The following SBF2 variants were observed in gnomAD, a reference collection of about 807,000 sequenced individuals.
SBF2 encodes SET binding factor 2, also known as myotubularin-related protein 13.
A neutral mutation model predicts 225.2 loss-of-function variants in SBF2; 112 were observed. That is an observed-to-expected ratio of 0.50 (90% CI 0.43 to 0.58). The LOEUF is 0.58. Ranked by LOEUF, SBF2 falls within the 20% of genes least tolerant of loss-of-function variation. The probability of loss-of-function intolerance (pLI) is 0.00; values close to 1 mark genes in which losing one functional copy is unlikely to be tolerated. For missense variants in SBF2, 1,996 were observed against 2,206.2 expected (o/e 0.90, Z 1.91); for synonymous variants, 763 against 773.3 (o/e 0.99, Z 0.22).
intron 29 of SBF2, 196 bp from the exon 30 acceptor site, chr11:9,812,904 G>C: frequency 6.3e-6 from 4 of 631,690 alleles, no homozygotes; most frequent in Non-Finnish European, 1.1e-5. Flanking sequence ...CAAGCTAGTG[G>C]TTTGCCCAGA....
intron 17 of SBF2, among the ~76,000 whole-genome samples, chr11:9,861,660 T>A (rs1857755305): frequency 8.1e-6 from 1 of 123,428 alleles, no homozygotes; most frequent in Non-Finnish European, 1.7e-5. Context: ...TGAGACTCCA[T>A]CTCAAAAAAA....
intron 16 of SBF2, among the ~76,000 whole-genome samples, chr11:9,949,775 G>T (rs147089859): frequency 6.6e-6 from 1 of 151,770 alleles, no homozygotes; most frequent in Non-Finnish European, 1.5e-5. Context: ...CGAGATTCAC[G>T]TTTTATTAAA....
rs58436467 is a variant in SBF2 at position 9,835,631 on chromosome 11, C to CAAAAAAAAAAAAAAAAA, written c.3456-3212_3456-3211insTTTTTTTTTTTTTTTTT. On this transcript the variant is annotated intron_variant, in intron 26 of 39. Transcript: ENST00000256190. ...TGGGAGACAGAGCAAGACCTTGTCTCAAAAAAAAAAAAAAAAGATTACTAC... is the reference window on the plus strand; with the variant it reads ...TGGGAGACAGAGCAAGACCTTGTCTCAAAAAAAAAAAAAAAAAAAAAAAAAAAAAAAAAGATTACTAC... Among the ~76,000 whole-genome samples, 9 of 62,124 alleles carry CAAAAAAAAAAAAAAAAA rather than the reference C, an allele frequency of 1.4e-4. 1 individual carries two copies. Among genetic ancestry groups the CAAAAAAAAAAAAAAAAA allele is most frequent in the South Asian group, 6.4e-4 (1 of 1,568 alleles). 40.8% of individuals were successfully genotyped at this position (62,124 alleles called of 152,430 possible).
intron 2 of SBF2, among the ~76,000 whole-genome samples, chr11:10,170,093 TTTG>T (rs1956127118): frequency 6.6e-6 from 1 of 152,088 alleles, no homozygotes; most frequent in Non-Finnish European, 1.5e-5. Context: ...GTCTCTTCAC[TTTG>T]TTGATTGTTT....
chr11:9,923,529 A>G (rs1863795759), intron 16 of SBF2, among the ~76,000 whole-genome samples: 1 of 152,228 alleles, frequency 6.6e-6, no homozygotes, highest in African/African-American at 2.4e-5. Context: ...GAAATTTTGA[A>G]TCTGTCAAGA....
In SBF2 at chr11:9,916,690, T is replaced by C. The variant is rs149027261; in HGVS notation, c.1861-20679A>G. Reference sequence around the variant, plus strand: ...ATGGCTCACTGCAACCTTGAACTACTGGGCTCAAGTGATCCTCCTGCTCAG... The same window carrying C: ...ATGGCTCACTGCAACCTTGAACTACCGGGCTCAAGTGATCCTCCTGCTCAG... On this transcript the variant is annotated intron_variant, in intron 16 of 39. Coordinates refer to ENST00000256190, the MANE Select transcript of SBF2 (RefSeq NM_030962.4). 5.4e-3 allele frequency among the ~76,000 whole-genome samples: 816 copies of C among 151,328 alleles called. 3 individuals are homozygous for C. Among genetic ancestry groups the C allele is most frequent in the Middle Eastern group, 0.031 (9 of 292 alleles).
chr11:9,792,842 T>A (rs1564857946), intron 33 of SBF2, among the ~76,000 whole-genome samples: 1 of 149,204 alleles, frequency 6.7e-6, no homozygotes, highest in Non-Finnish European at 1.5e-5. Flanking sequence ...AGCCTTGACC[T>A]CCTGGGCTCA....
At chr11:9,930,515 T>C (rs1361697241) in intron 16 of SBF2, among the ~76,000 whole-genome samples, 2 of 152,200 alleles carry the variant, frequency 1.3e-5, no homozygotes, top group Non-Finnish European at 2.9e-5. Context: ...CCTTTTCTTG[T>C]ACAAAAGAGT....
chr11:10,252,562 G>C (rs2135489891), intron 1 of SBF2, among the ~76,000 whole-genome samples: 1 of 152,336 alleles, frequency 6.6e-6, no homozygotes, highest in Non-Finnish European at 1.5e-5. Flanking sequence ...CCAGCACTTT[G>C]GGAGGCCAAG....
intron 6 of SBF2, among the ~76,000 whole-genome samples, chr11:10,019,429 A>C (rs1590769492): frequency 6.6e-6 from 1 of 152,246 alleles, no homozygotes; most frequent in Admixed American, 6.5e-5. Context: ...ACTGTCAAAA[A>C]ATAATTAATC....
intron 16 of SBF2, among the ~76,000 whole-genome samples, chr11:9,905,761 CTG>C (rs1181945681): frequency 1.3e-5 from 2 of 152,048 alleles, no homozygotes; most frequent in Non-Finnish European, 2.9e-5. Flanking sequence ...AAAAGAGTGA[CTG>C]TTAAAACTCA....
intron 9 of SBF2, among the ~76,000 whole-genome samples, chr11:9,995,051 AAAT>A (rs1257988519): frequency 2.1e-4 from 32 of 151,210 alleles, no homozygotes; most frequent in African/African-American, 7.3e-4. Context: ...AAAAAAAAAA[AAAT>A]AAAAATTACT....
chr11:9,953,686 A>T (rs1049475885), intron 16 of SBF2, among the ~76,000 whole-genome samples: 1 of 152,156 alleles, frequency 6.6e-6, no homozygotes, highest in Non-Finnish European at 1.5e-5. Context: ...GATTGTCCCA[A>T]CTGTTAACTG....
chr11:10,041,315 T>C (rs1226330538), intron 3 of SBF2, among the ~76,000 whole-genome samples: 1 of 152,074 alleles, frequency 6.6e-6, no homozygotes, highest in East Asian at 1.9e-4. Context: ...CCAAACATTA[T>C]CCAGGGGAGA....
rs542468368 is a variant in SBF2, at chr11:9,929,281, A to C, written c.1860+32676T>G. The C allele has an allele frequency of 9.9e-5, 14 of 140,958 alleles. No homozygotes were observed. In the South Asian group the frequency reaches 1.4e-3, roughly 14 times the overall value. 8.7% of individuals were successfully genotyped at this position (140,958 alleles called of 1,614,324 possible). A position where few individuals can be genotyped will look rare whatever the true frequency, so the allele number is the denominator to read the frequency against. On this transcript the variant is annotated intron_variant, in intron 16 of 39. Coordinates refer to ENST00000256190, the MANE Select transcript of SBF2 (RefSeq NM_030962.4). ...AACCAAAAAAAACAAAAAACAAAAA[A>C]AAAAAAACCATCGTTTTGAAGTGTC... is the stretch of plus-strand genomic sequence containing the variant.
In SBF2 at chr11:10,163,906, T is replaced by C. The variant is rs767301519; in HGVS notation, c.141+29996A>G. On this transcript the variant is annotated intron_variant, in intron 2 of 39. Coordinates refer to ENST00000256190, the MANE Select transcript of SBF2 (RefSeq NM_030962.4). ...CTCAACAAGACTGTTCTAGAGTCCA[T>C]GATATTGACCACTGTACCAAATTAC... Among the ~76,000 whole-genome samples the C allele has an allele frequency of 2.0e-5, 3 of 152,200 alleles. 1 individual carries two copies. The highest frequency in any genetic ancestry group is 6.6e-5 in the Admixed American group (1 of 15,266).
intron 1 of SBF2, among the ~76,000 whole-genome samples, chr11:10,246,988 G>C (rs1959866152): frequency 6.6e-6 from 1 of 152,200 alleles, no homozygotes; most frequent in Non-Finnish European, 1.5e-5. Flanking sequence ...TTGGGAGGCT[G>C]AGGCAGGAAG....
intron 1 of SBF2, among the ~76,000 whole-genome samples, chr11:10,261,684 T>A (rs1416034371): frequency 6.6e-6 from 1 of 152,224 alleles, no homozygotes; most frequent in African/African-American, 2.4e-5. Flanking sequence ...AGAATATTCA[T>A]AGCAGTTTAT....
chr11:10,016,245 G>C (rs1590761827), intron 6 of SBF2, among the ~76,000 whole-genome samples: 1 of 152,060 alleles, frequency 6.6e-6, no homozygotes, highest in African/African-American at 2.4e-5. Flanking sequence ...ACTCATATTA[G>C]TAAAAACAAT....
Sources: gnomAD v4.1 joint callset for allele counts (sites outside exome capture counted in the v4.1 genomes callset) on GRCh38, gnomAD v4.1.1 for gene constraint, MANE v1.5 for transcripts, NCBI Gene and HGNC (gene_info 2026-07-23, HGNC 2026-07-21) for gene names.